The following MAP3K3 variants were observed in gnomAD, a reference collection of about 807,000 sequenced individuals.
The protein encoded by MAP3K3 is mitogen-activated protein kinase kinase kinase 3.
A neutral mutation model predicts 80.9 loss-of-function variants in MAP3K3; 12 were observed. The observed-to-expected ratio is 0.15, with a 90% CI of 0.10 to 0.24. The LOEUF (loss-of-function observed/expected upper bound fraction) is 0.24, where lower values mean the gene tolerates loss of function less well. Ranked by LOEUF, MAP3K3 falls within the 10% of genes least tolerant of loss-of-function variation. The pLI is 1.00. For missense variants in MAP3K3, 596 were observed against 834.7 expected (o/e 0.71, Z 3.52); for synonymous variants, 272 against 307.1 (o/e 0.89, Z 1.19).
chr17:63,666,149 T>C (rs540575776), intron 5 of MAP3K3, among the ~76,000 whole-genome samples: 65 of 151,958 alleles, frequency 4.3e-4, no homozygotes, highest in Admixed American at 1.7e-3. Flanking sequence ...GTGGAAAGAG[T>C]GGGTGGGTGC....
intron 8 of MAP3K3, among the ~76,000 whole-genome samples, chr17:63,687,542 T>A (rs1051486060): frequency 1.4e-5 from 2 of 147,950 alleles, no homozygotes; most frequent in Admixed American, 6.7e-5. Flanking sequence ...CAAAAAAAAT[T>A]AGCTGGGCAT....
intron 4 of MAP3K3, among the ~76,000 whole-genome samples, chr17:63,654,722 C>T (rs866125003): frequency 4.6e-5 from 7 of 152,276 alleles, no homozygotes; most frequent in Middle Eastern, 6.8e-3. Flanking sequence ...TAAAAAACTG[C>T]CCGAGACTGG....
chr17:63,640,946 C>T (rs778906951), intron 2 of MAP3K3, among the ~76,000 whole-genome samples: 1 of 152,144 alleles, frequency 6.6e-6, no homozygotes, highest in Non-Finnish European at 1.5e-5. Flanking sequence ...GTCTCAGACA[C>T]CCCCCACTCC....
At chr17:63,667,703 G>A (rs1251815979) in intron 6 of MAP3K3, among the ~76,000 whole-genome samples, 2 of 152,046 alleles carry the variant, frequency 1.3e-5, no homozygotes, top group Admixed American at 6.6e-5. Flanking sequence ...TCATCTCCGG[G>A]TTATTTATAA....
intron 5 of MAP3K3, among the ~76,000 whole-genome samples, chr17:63,664,873 A>G (rs939400554): frequency 2.0e-5 from 3 of 152,096 alleles, no homozygotes; most frequent in Admixed American, 1.3e-4. Flanking sequence ...TAAACCCTTG[A>G]AGCAACCTCA....
intron 2 of MAP3K3, among the ~76,000 whole-genome samples, chr17:63,636,425 T>TAA (rs1272440580): frequency 2.0e-5 from 3 of 152,182 alleles, no homozygotes; most frequent in Admixed American, 2.0e-4. Flanking sequence ...TAGAGCTGAC[T>TAA]GAATATTCTT....
chr17:63,634,713 A>G, intron 2 of MAP3K3: 1 of 1,612,370 alleles, frequency 6.2e-7, no homozygotes, highest in Non-Finnish European at 8.5e-7. Context: ...TTAAAGAAAA[A>G]ACACAACAGC....
At chr17:63,640,803 G>A (rs2034424826) in intron 2 of MAP3K3, among the ~76,000 whole-genome samples, 1 of 152,182 alleles carries the variant, frequency 6.6e-6, no homozygotes, top group Admixed American at 6.5e-5. Flanking sequence ...TAGGACATGT[G>A]CCTGCCAGGG....
rs752869491 is a variant in MAP3K3 at position 63,652,638 on chromosome 17, A to G, written c.249A>G (p.Leu83=). ...VTTVFGQPLD[L]HYMNNELSIL... ...CAGTATTTGGACAACCTCTTGATCTACATTACATGAACAATGAGGTGAGAA... is the reference window on the plus strand; with the variant it reads ...CAGTATTTGGACAACCTCTTGATCTGCATTACATGAACAATGAGGTGAGAA... The change falls in exon 4 of 16, where the codon CTA becomes CTG. Residue 83 remains leucine, a synonymous_variant. Coordinates refer to ENST00000361733, the MANE Select transcript of MAP3K3 (RefSeq NM_002401.5). 2.5e-6 allele frequency: 4 copies of G among 1,612,794 alleles called. No individual in the cohort carries two copies. The highest frequency in any genetic ancestry group is 3.3e-5 in the Admixed American group (2 of 60,006).
intron 2 of MAP3K3, among the ~76,000 whole-genome samples, chr17:63,638,236 T>C (rs1042848196): frequency 2.6e-5 from 4 of 152,228 alleles, no homozygotes; most frequent in Non-Finnish European, 4.4e-5. Context: ...TATTTTTTTT[T>C]CCTTTCATTC....
At chr17:63,662,874 A>G (rs1177003092) in intron 5 of MAP3K3, among the ~76,000 whole-genome samples, 2 of 151,508 alleles carry the variant, frequency 1.3e-5, no homozygotes, top group Non-Finnish European at 2.9e-5. Context: ...GGTCCTCACC[A>G]TGTTGGCCGG....
rs1175209772 is a variant in MAP3K3, at chr17:63,622,591, C to T, written c.-169C>T. ...CGATGCCACAGCGCCCGGCCGCGGG[C>T]GGAGCCGGAGCCGGAGCCTGGGGAG... On this transcript the variant is annotated 5_prime_UTR_variant, in exon 1 of 16. Transcript: ENST00000361733. 6.4e-6 allele frequency: 1 copy of T among 155,602 alleles called. No homozygotes were observed. Among genetic ancestry groups the T allele is most frequent in the Admixed American group, 6.6e-5 (1 of 15,142 alleles). 9.6% of individuals were successfully genotyped at this position (155,602 alleles called of 1,614,324 possible).
chr17:63,634,894 T>A, intron 2 of MAP3K3: 2 of 1,116,908 alleles, frequency 1.8e-6, no homozygotes, highest in Non-Finnish European at 2.7e-6. Context: ...GACAAGTTGT[T>A]TTAGTGGATT....
chr17:63,634,873 T>C (rs1429013895), intron 2 of MAP3K3: 57 of 1,304,100 alleles, frequency 4.4e-5, no homozygotes, highest in Non-Finnish European at 6.0e-5. Flanking sequence ...AACAGCAGAA[T>C]TCACTTCCCA....
intron 8 of MAP3K3, among the ~76,000 whole-genome samples, chr17:63,686,959 CCT>C (rs1173488664): frequency 6.6e-6 from 1 of 152,138 alleles, no homozygotes; most frequent in Non-Finnish European, 1.5e-5. Flanking sequence ...AGTCTTTTAA[CCT>C]CTCTATTCCT....
chr17:63,668,745 G>C (rs972196378), intron 6 of MAP3K3, among the ~76,000 whole-genome samples: 1 of 152,196 alleles, frequency 6.6e-6, no homozygotes, highest in African/African-American at 2.4e-5. Flanking sequence ...AGATTTCTGT[G>C]AAGTAGTTCC....
At chr17:63,639,894 G>A (rs189036234) in intron 2 of MAP3K3, among the ~76,000 whole-genome samples, 5 of 152,190 alleles carry the variant, frequency 3.3e-5, no homozygotes, top group East Asian at 1.9e-4. Flanking sequence ...ATTTATAAAT[G>A]TATAAAGATA....
At chr17:63,626,076 T>C (rs544019656) in intron 1 of MAP3K3, among the ~76,000 whole-genome samples, 1 of 152,252 alleles carries the variant, frequency 6.6e-6, no homozygotes, top group South Asian at 2.1e-4. Flanking sequence ...ACCCTGTCTC[T>C]AAAACAAAAA....
Position 63,688,773 on chromosome 17 carries a change from C to G in MAP3K3, c.779-16C>G, listed in dbSNP as rs1424284377. 6.3e-7 allele frequency: 1 copy of G among 1,577,820 alleles called. No individual in the cohort carries two copies. Among genetic ancestry groups the G allele is most frequent in the Non-Finnish European group, 8.7e-7 (1 of 1,146,906 alleles). Reference sequence around the variant, plus strand: ...TTGACCTACCCAGAAGCCAGTGATTCCCCTGTCTTACTCAGATCGGGAAAC... The same window carrying G: ...TTGACCTACCCAGAAGCCAGTGATTGCCCTGTCTTACTCAGATCGGGAAAC... On this transcript the variant is annotated splice_polypyrimidine_tract_variant and intron_variant, in intron 9 of 15. Transcript: ENST00000361733.
Sources: gnomAD v4.1 joint callset for allele counts (sites outside exome capture counted in the v4.1 genomes callset) on GRCh38, gnomAD v4.1.1 for gene constraint, MANE v1.5 for transcripts, NCBI Gene and HGNC (gene_info 2026-07-23, HGNC 2026-07-21) for gene names.